The following CACUL1 variants were observed in gnomAD, a reference collection of about 807,000 sequenced individuals.
CACUL1 encodes the protein CDK2-associated and cullin domain-containing protein 1.
In CACUL1, 13 loss-of-function variants were observed where a neutral mutation model predicts 45.2. The observed-to-expected ratio is 0.29, with a 90% CI of 0.19 to 0.46. The LOEUF (loss-of-function observed/expected upper bound fraction) is 0.46. Among genes scored for constraint, CACUL1 ranks in the 20% least tolerant of loss-of-function variants. The pLI, the probability that CACUL1 is intolerant of heterozygous loss-of-function variation, is 1.00. For synonymous variants in CACUL1, 197 were observed against 174.2 expected, an observed-to-expected ratio of 1.13 and a Z score of -1.03; for missense variants, 421 against 471.4, an observed-to-expected ratio of 0.89 and a Z score of 0.99.
At chr10:118,715,372 C>T (rs1441616365) in intron 3 of CACUL1, among the ~76,000 whole-genome samples, 3 of 152,108 alleles carry the variant, frequency 2.0e-5, no homozygotes, top group East Asian at 1.9e-4. Context: ...GTCAGTCACC[C>T]GAATTTGATG....
At chr10:118,693,631 G>A (rs1845292473) in intron 6 of CACUL1, 7 of 424,912 alleles carry the variant, frequency 1.6e-5, no homozygotes, top group South Asian at 1.0e-4. Flanking sequence ...GCCTACTTGG[G>A]AGGCAGAATT....
intron 3 of CACUL1, among the ~76,000 whole-genome samples, chr10:118,713,909 C>G (rs1213511959): frequency 6.6e-6 from 1 of 152,108 alleles, no homozygotes; most frequent in African/African-American, 2.4e-5. Flanking sequence ...TTCCAAAAAG[C>G]TTTTTGTTTA....
chr10:118,687,849 T>C (rs1845224082), intron 7 of CACUL1, among the ~76,000 whole-genome samples: 1 of 152,196 alleles, frequency 6.6e-6, no homozygotes, highest in African/African-American at 2.4e-5. Context: ...ATGTTTGTTG[T>C]TTGTTATTTG....
At chr10:118,693,637 G>A (rs1271808650) in intron 6 of CACUL1, 2 of 430,006 alleles carry the variant, frequency 4.7e-6, no homozygotes, top group Non-Finnish European at 9.3e-6. Flanking sequence ...TTGGGAGGCA[G>A]AATTTGTCAT....
intron 3 of CACUL1, among the ~76,000 whole-genome samples, chr10:118,724,738 T>A (rs770432327): frequency 3.9e-5 from 6 of 152,000 alleles, no homozygotes; most frequent in Non-Finnish European, 8.8e-5. Context: ...AAGACAACAA[T>A]GGGAATCAAA....
intron 1 of CACUL1, among the ~76,000 whole-genome samples, chr10:118,742,701 G>T (rs1019196640): frequency 1.3e-5 from 2 of 152,056 alleles, no homozygotes; most frequent in Non-Finnish European, 2.9e-5. Context: ...ACCCTGCCAT[G>T]ATATTACCTG....
intron 1 of CACUL1, among the ~76,000 whole-genome samples, chr10:118,736,166 A>G (rs1009402007): frequency 6.6e-6 from 1 of 152,222 alleles, no homozygotes; most frequent in Non-Finnish European, 1.5e-5. Flanking sequence ...CCTTGTAGAT[A>G]AAGAAGAGGA....
intron 1 of CACUL1, among the ~76,000 whole-genome samples, chr10:118,748,799 T>C (rs1349035104): frequency 2.0e-5 from 3 of 152,110 alleles, no homozygotes; most frequent in Non-Finnish European, 4.4e-5. Context: ...CTTTTAAGTA[T>C]TAGTAGGGTA....
At chr10:118,700,346 C>A (rs913817542) in intron 5 of CACUL1, among the ~76,000 whole-genome samples, 1 of 152,058 alleles carries the variant, frequency 6.6e-6, no homozygotes, top group Non-Finnish European at 1.5e-5. Context: ...CTTCCTAACT[C>A]CACCTGGAGA....
At chr10:118,737,507 T>A (rs979455169) in intron 1 of CACUL1, among the ~76,000 whole-genome samples, 5 of 152,168 alleles carry the variant, frequency 3.3e-5, no homozygotes, top group African/African-American at 1.2e-4. Context: ...ATAAGCCTTA[T>A]AACATACCAG....
At chr10:118,730,243 G>A (rs1589615261) in intron 2 of CACUL1, 41 bp downstream of exon 2, 2 of 1,606,408 alleles carry the variant, frequency 1.2e-6, no homozygotes, top group African/African-American at 1.3e-5. Flanking sequence ...TTGAACCTTA[G>A]TATACCCTTT....
chr10:118,719,051 C>T (rs1040355552), intron 3 of CACUL1, among the ~76,000 whole-genome samples: 4 of 152,202 alleles, frequency 2.6e-5, no homozygotes, highest in African/African-American at 7.2e-5. Context: ...CATGAAGTAG[C>T]TATCACAGAC....
At chr10:118,686,282 G>A (rs752483) in intron 8 of CACUL1, 114 bp from the exon 9 acceptor site, 263,168 of 901,204 alleles carry the variant, frequency 0.29, 40,415 homozygotes, top group East Asian at 0.38. Context: ...CCCAAAAAAG[G>A]CTTAAAAAAA....
chr10:118,693,590 T>TA (rs1450605701), intron 6 of CACUL1: 2 of 356,262 alleles, frequency 5.6e-6, no homozygotes, highest in Non-Finnish European at 1.1e-5. Context: ...GCAATTTTGT[T>TA]ACGTATGATA....
chr10:118,694,704 C>A (rs966808501), intron 6 of CACUL1, among the ~76,000 whole-genome samples: 2 of 152,164 alleles, frequency 1.3e-5, no homozygotes, highest in African/African-American at 4.8e-5. Context: ...TTGTGATTGT[C>A]TCTCTCCCCA....
intron 5 of CACUL1, among the ~76,000 whole-genome samples, chr10:118,700,716 C>CAAAAAAAAAAAAAAAAAAAAAAA (rs59032746): frequency 1.2e-4 from 16 of 132,936 alleles, no homozygotes; most frequent in African/African-American, 5.0e-4. Flanking sequence ...GACTCCGTCT[C>CAAAAAAAAAAAAAAAAAAAAAAA]AAAAAAAAAA....
intron 5 of CACUL1, among the ~76,000 whole-genome samples, chr10:118,699,021 G>T (rs757781106): frequency 6.6e-6 from 1 of 152,130 alleles, no homozygotes; most frequent in Admixed American, 6.5e-5. Context: ...CTTTGTCTCC[G>T]TTTCTCCATC....
At chr10:118,711,680 GAAT>G (rs1845487110) in intron 3 of CACUL1, among the ~76,000 whole-genome samples, 1 of 152,148 alleles carries the variant, frequency 6.6e-6, no homozygotes, top group African/African-American at 2.4e-5. Flanking sequence ...ACAGCAGACA[GAAT>G]AAATAAAATT....
At chr10:118,720,678 T>C (rs1275861624) in intron 3 of CACUL1, among the ~76,000 whole-genome samples, 1 of 152,230 alleles carries the variant, frequency 6.6e-6, no homozygotes, top group Non-Finnish European at 1.5e-5. Flanking sequence ...GCATATGTTT[T>C]TGTAATCAAC....
Sources: gnomAD v4.1 joint callset for allele counts (sites outside exome capture counted in the v4.1 genomes callset) on GRCh38, gnomAD v4.1.1 for gene constraint, MANE v1.5 for transcripts, NCBI Gene and HGNC (gene_info 2026-07-23, HGNC 2026-07-21) for gene names.